The following KIF9 variants were observed in gnomAD, a reference collection of about 807,000 sequenced individuals.
KIF9 encodes the protein kinesin family member 9.
In KIF9, 68 loss-of-function variants were observed where a neutral mutation model predicts 94.8. The observed-to-expected ratio is 0.72, with a 90% CI of 0.59 to 0.88. KIF9 has a LOEUF of 0.88. KIF9 is among the 40% of genes least tolerant of loss of function. The pLI is 0.00. For synonymous variants in KIF9, 343 were observed against 362.1 expected (o/e 0.95, Z 0.60); for missense variants, 882 against 982.5 (o/e 0.90, Z 1.37).
intron 9 of KIF9, chr3:47,263,565 C>T (rs899521288): frequency 1.6e-5 from 4 of 243,938 alleles, no homozygotes; most frequent in Non-Finnish European, 8.2e-6. Context: ...TGGTGTGGGT[C>T]ACATCTTCAG....
chr3:47,231,949 A>G (rs903672482), intron 20 of KIF9: 16 of 152,190 alleles, frequency 1.1e-4, no homozygotes, highest in Non-Finnish European at 1.9e-4. Flanking sequence ...AAACTAAGAA[A>G]AAGAATACCG....
rs756912089 is a variant in KIF9, at chr3:47,235,644, G to T, written c.2218-27C>A. The T allele has an allele frequency of 1.9e-6, 3 of 1,555,130 alleles. No individual in the cohort carries two copies. The South Asian group carries it at 3.3e-5, about 17-fold the overall frequency. Reference sequence around the variant, plus strand: ...TGGGGGAGGACAGTCCCTTTAGCATGGTATTGTCAGGATATACCCTAGCAG... The same window carrying T: ...TGGGGGAGGACAGTCCCTTTAGCATTGTATTGTCAGGATATACCCTAGCAG... On this transcript the variant is annotated intron_variant, in intron 19 of 20. Coordinates refer to ENST00000684063, the MANE Select transcript of KIF9 (RefSeq NM_182902.4).
At chr3:47,267,121 G>C in intron 6 of KIF9, 53 bp from the exon 7 acceptor site, 2 of 1,601,128 alleles carry the variant, frequency 1.2e-6, no homozygotes, top group Admixed American at 1.7e-5. Flanking sequence ...GTTTCTGACT[G>C]AGCAGGCCCC....
intron 8 of KIF9, among the ~76,000 whole-genome samples, chr3:47,265,397 G>T (rs375407688): frequency 6.6e-6 from 1 of 152,130 alleles, no homozygotes; most frequent in Non-Finnish European, 1.5e-5. Context: ...GCAGGGGAAG[G>T]GAAGACACCA....
chr3:47,246,877 C>T (rs1559435614), intron 12 of KIF9, among the ~76,000 whole-genome samples: 1 of 152,178 alleles, frequency 6.6e-6, no homozygotes, highest in Non-Finnish European at 1.5e-5. Flanking sequence ...TGATGGACTG[C>T]ACTGTGAAAA....
chr3:47,235,738 A>G, intron 19 of KIF9, 121 bp from the exon 20 acceptor site: 1 of 768,290 alleles, frequency 1.3e-6, no homozygotes, highest in South Asian at 1.6e-5. Flanking sequence ...CGCCACCAAA[A>G]GGGCATCTCA....
chr3:47,239,515 G>T, intron 17 of KIF9: 1 of 1,060,410 alleles, frequency 9.4e-7, no homozygotes, highest in Non-Finnish European at 1.2e-6. Flanking sequence ...GTCATAATTG[G>T]TCTGTGAGGT....
chr3:47,247,241 G>A, intron 12 of KIF9, 132 bp downstream of exon 12: 1 of 633,680 alleles, frequency 1.6e-6, no homozygotes, highest in Non-Finnish European at 3.0e-6. Flanking sequence ...GACATCAAGA[G>A]TCCAGCACCA....
At chr3:47,248,317 G>C (rs752733775) in intron 10 of KIF9, 6 of 511,432 alleles carry the variant, frequency 1.2e-5, no homozygotes, top group Non-Finnish European at 2.1e-5. Flanking sequence ...CCTGGCCTTT[G>C]CTACTGCCAG....
intron 11 of KIF9, 131 bp from the exon 12 acceptor site, chr3:47,247,608 C>T (rs1036805021): frequency 5.7e-6 from 4 of 699,298 alleles, no homozygotes; most frequent in African/African-American, 5.2e-5. Flanking sequence ...TGGCTCCTTC[C>T]CTTCATCATC....
rs1384877475 is a variant in KIF9, at chr3:47,265,781, G to A, written c.865C>T (p.His289Tyr). ...IIALGDQKRD[H>Y]IPFRQCKLTH... The stretch of plus-strand genomic sequence containing the variant: ...AGCTTGCACTGCCGAAAGGGGATGT[G>A]GTCCCGCTTCTGGTCCCCAAGGGCA... Residue 289 changes from histidine (H) to tyrosine (Y), a missense_variant, in exon 8 of 21, where the codon CAC becomes TAC. Coordinates refer to ENST00000684063, the MANE Select transcript of KIF9 (RefSeq NM_182902.4). The A allele has an allele frequency of 6.2e-7, 1 of 1,614,042 alleles. No homozygotes were observed. Among genetic ancestry groups the A allele is most frequent in the African/African-American group, 1.3e-5 (1 of 74,902 alleles).
At chr3:47,253,655 T>C (rs1251733802) in intron 10 of KIF9, among the ~76,000 whole-genome samples, 2 of 152,210 alleles carry the variant, frequency 1.3e-5, no homozygotes, top group East Asian at 1.9e-4. Context: ...CATGTTTTTA[T>C]ATGTGGTGTA....
At chr3:47,229,378 G>T (rs1261306585) in intron 20 of KIF9, among the ~76,000 whole-genome samples, 1 of 152,062 alleles carries the variant, frequency 6.6e-6, no homozygotes, top group Non-Finnish European at 1.5e-5. Flanking sequence ...ATGTGTTCAG[G>T]TCTCCTTGAG....
chr3:47,256,041 C>T (rs1310147529), intron 10 of KIF9, among the ~76,000 whole-genome samples: 2 of 152,238 alleles, frequency 1.3e-5, no homozygotes, highest in Non-Finnish European at 2.9e-5. Context: ...GGATTGCAGA[C>T]GGAGTCTCGT....
chr3:47,237,887 G>T (rs1452250155), intron 17 of KIF9, among the ~76,000 whole-genome samples: 1 of 152,156 alleles, frequency 6.6e-6, no homozygotes, highest in Non-Finnish European at 1.5e-5. Flanking sequence ...AGAGCAATCT[G>T]CTGTGGTCTC....
intron 10 of KIF9, among the ~76,000 whole-genome samples, chr3:47,249,207 G>A (rs958628621): frequency 2.7e-5 from 4 of 150,272 alleles, no homozygotes; most frequent in Admixed American, 1.3e-4. Context: ...GTACAGTGGC[G>A]CAATCTTGGC....
At chr3:47,231,388 G>C (rs1698564104) in intron 20 of KIF9, among the ~76,000 whole-genome samples, 1 of 143,710 alleles carries the variant, frequency 7.0e-6, no homozygotes, top group Non-Finnish European at 1.5e-5. Context: ...AGAATCTCAG[G>C]CTCCATCAGT....
intron 13 of KIF9, chr3:47,245,825 G>A (rs1233662339): frequency 8.3e-6 from 4 of 482,786 alleles, no homozygotes; most frequent in African/African-American, 5.7e-5. Context: ...CTGTCTCTAA[G>A]AGGCCACTTG....
At chr3:47,268,145 A>G (rs1701408057) in intron 5 of KIF9, among the ~76,000 whole-genome samples, 2 of 152,170 alleles carry the variant, frequency 1.3e-5, no homozygotes, top group Non-Finnish European at 2.9e-5. Flanking sequence ...TGCTGGGATT[A>G]CAGGCATGAG....
Sources: allele counts gnomAD v4.1 joint callset (sites outside exome capture counted in the v4.1 genomes callset), GRCh38; gene constraint gnomAD v4.1.1; transcripts MANE v1.5; gene names NCBI Gene and HGNC (gene_info 2026-07-23, HGNC 2026-07-21).